The following CCDC192 variants were observed in gnomAD, a reference collection of about 807,000 sequenced individuals.
CCDC192 encodes the protein coiled-coil domain-containing protein 192.
chr5:127,735,392 G>C (rs2126825611), intron 2 of CCDC192, among the ~76,000 whole-genome samples: 1 of 149,278 alleles, frequency 6.7e-6, no homozygotes, highest in African/African-American at 2.6e-5. Context: ...TTTGGCTTAG[G>C]ATTGTCTTGG....
At chr5:127,881,698 GC>G (rs2127144697) in intron 6 of CCDC192, among the ~76,000 whole-genome samples, 1 of 152,286 alleles carries the variant, frequency 6.6e-6, no homozygotes, top group Non-Finnish European at 1.5e-5. Context: ...GAAAAGAAAA[GC>G]CCCTTTATTA....
intron 2 of CCDC192, among the ~76,000 whole-genome samples, chr5:127,712,089 G>A (rs915467284): frequency 4.6e-5 from 7 of 152,040 alleles, no homozygotes; most frequent in African/African-American, 9.6e-5. Context: ...TTTTATAAAC[G>A]GAGACATACA....
rs537375286 is a variant in CCDC192, at chr5:127,778,567, T to C, written c.223-18536T>C. On this transcript the variant is annotated intron_variant, in intron 3 of 6. Coordinates refer to ENST00000514853, the MANE Select transcript of CCDC192 (RefSeq NM_001317938.2). ...TATATTCATAAAGGATATTAGGCTA[T>C]AGTTTTCCTGTACTATTTTGTCTGA... 1.6e-4 allele frequency among the ~76,000 whole-genome samples: 25 copies of C among 152,332 alleles called. No homozygotes were observed. The South Asian group carries it at 4.8e-3, about 29-fold the overall frequency.
chr5:127,901,358 A>G (rs1017409031), intron 6 of CCDC192, among the ~76,000 whole-genome samples: 2 of 152,226 alleles, frequency 1.3e-5, no homozygotes, highest in South Asian at 2.1e-4. Context: ...AAAAGTAATC[A>G]TTAGGCAGTT....
At chr5:127,908,145 C>G (rs775728915) in intron 6 of CCDC192, among the ~76,000 whole-genome samples, 31 of 152,170 alleles carry the variant, frequency 2.0e-4, no homozygotes, top group Non-Finnish European at 2.9e-5. Context: ...ACACACAGAC[C>G]ACACACATCT....
At chr5:127,782,998 T>G (rs1171472880) in intron 3 of CCDC192, among the ~76,000 whole-genome samples, 9 of 102,990 alleles carry the variant, frequency 8.7e-5, no homozygotes, top group Non-Finnish European at 1.3e-4. Context: ...AGAGGTGGGG[T>G]TTTTTTTTTT....
At chr5:127,908,166 T>C (rs1027748669) in intron 6 of CCDC192, among the ~76,000 whole-genome samples, 1 of 152,210 alleles carries the variant, frequency 6.6e-6, no homozygotes, top group African/African-American at 2.4e-5. Context: ...CACAGCTTGT[T>C]CAGCACTGGG....
At chr5:127,875,507 G>T in intron 5 of CCDC192, 31 bp from the exon 6 acceptor site, 1 of 367,684 alleles carries the variant, frequency 2.7e-6, no homozygotes, top group South Asian at 1.4e-4. Context: ...TGTCCCTAGT[G>T]ATGGAAACTC....
At chr5:127,750,865 G>A (rs889235745) in intron 2 of CCDC192, among the ~76,000 whole-genome samples, 1 of 151,454 alleles carries the variant, frequency 6.6e-6, no homozygotes, top group Non-Finnish European at 1.5e-5. Flanking sequence ...TTACCATTAT[G>A]TAATGGCCTT....
chr5:127,896,618 G>A (rs1197228373), intron 6 of CCDC192, among the ~76,000 whole-genome samples: 1 of 151,838 alleles, frequency 6.6e-6, no homozygotes, highest in Non-Finnish European at 1.5e-5. Context: ...TTTGTTTTTT[G>A]TATTTTTAGT....
At chr5:127,745,773 C>T (rs927221427) in intron 2 of CCDC192, among the ~76,000 whole-genome samples, 6 of 152,298 alleles carry the variant, frequency 3.9e-5, no homozygotes, top group Middle Eastern at 3.4e-3. Context: ...CTTGCAACTA[C>T]TTTAACCACT....
intron 3 of CCDC192, among the ~76,000 whole-genome samples, chr5:127,792,806 A>AGAAGAG (rs1358365756): frequency 8.2e-6 from 1 of 122,110 alleles, no homozygotes; most frequent in Non-Finnish European, 1.7e-5. Flanking sequence ...AAGGAGGAGG[A>AGAAGAG]GAAGAGGAAG....
At chr5:127,877,784 AC>A (rs201541912) in intron 6 of CCDC192, among the ~76,000 whole-genome samples, 1 of 151,716 alleles carries the variant, frequency 6.6e-6, no homozygotes, top group Non-Finnish European at 1.5e-5. Flanking sequence ...GGGCTGGCCC[AC>A]CCCCCCACAC....
At chr5:127,783,907 C>G (rs981024328) in intron 3 of CCDC192, among the ~76,000 whole-genome samples, 2 of 152,170 alleles carry the variant, frequency 1.3e-5, no homozygotes, top group Admixed American at 6.6e-5. Context: ...TATTTTTTAA[C>G]TGCTGTTGCT....
intron 5 of CCDC192, among the ~76,000 whole-genome samples, chr5:127,830,091 C>T (rs1711675125): frequency 6.6e-6 from 1 of 151,952 alleles, no homozygotes; most frequent in Non-Finnish European, 1.5e-5. Flanking sequence ...GGTCATGATA[C>T]ACCTTATATA....
chr5:127,797,754 TATATATATA>T (rs1561494057), intron 4 of CCDC192, among the ~76,000 whole-genome samples: 55 of 138,098 alleles, frequency 4.0e-4, no homozygotes, highest in African/African-American at 7.0e-4. Flanking sequence ...TATATATATA[TATATATATA>T]TATATATATA....
At chr5:127,905,459 T>G (rs1753169644) in intron 6 of CCDC192, among the ~76,000 whole-genome samples, 1 of 152,238 alleles carries the variant, frequency 6.6e-6, no homozygotes, top group Admixed American at 6.5e-5. Context: ...AAAAAGAAGT[T>G]TTGCATTTTA....
At chr5:127,708,451 G>A (rs1290933889) in intron 2 of CCDC192, among the ~76,000 whole-genome samples, 1 of 152,108 alleles carries the variant, frequency 6.6e-6, no homozygotes, top group East Asian at 1.9e-4. Context: ...AAAAACATTA[G>A]CTATCTATAT....
intron 5 of CCDC192, among the ~76,000 whole-genome samples, chr5:127,865,733 G>C (rs2127114817): frequency 6.6e-6 from 1 of 151,234 alleles, no homozygotes; most frequent in East Asian, 1.9e-4. Flanking sequence ...AAATATGTTT[G>C]CAGTGAGACC....
Sources: allele counts gnomAD v4.1 joint callset (sites outside exome capture counted in the v4.1 genomes callset), GRCh38; gene constraint gnomAD v4.1.1; transcripts MANE v1.5; gene names NCBI Gene and HGNC (gene_info 2026-07-23, HGNC 2026-07-21).